Variants in ATP13A5 observed in about 807,000 individuals in gnomAD.
ATP13A5 encodes the protein ATPase 13A5.
In ATP13A5, 149 loss-of-function variants were observed where a neutral mutation model predicts 150.2. The observed-to-expected ratio is 0.99, with a 90% CI of 0.87 to 1.14. ATP13A5 has a LOEUF of 1.14. Ranked by LOEUF, ATP13A5 falls within the 50% of genes most tolerant of loss-of-function variation. ATP13A5 has a pLI of 0.00. For synonymous variants in ATP13A5, 497 were observed against 522.2 expected (o/e 0.95, Z 0.66); for missense variants, 1,383 against 1,449.3 (o/e 0.95, Z 0.74).
chr3:193,309,981 A>G (rs1215495307), intron 21 of ATP13A5, among the ~76,000 whole-genome samples: 2 of 152,208 alleles, frequency 1.3e-5, no homozygotes, highest in African/African-American at 4.8e-5. Flanking sequence ...AATTAAGCCC[A>G]GTACCCAGTA....
rs750230202 is a variant in ATP13A5, at chr3:193,378,745, A to G, written c.-20T>C. The G allele has an allele frequency of 1.4e-5, 22 of 1,609,000 alleles. No homozygotes were observed. The highest frequency in any genetic ancestry group is 2.2e-5 in the East Asian group (1 of 44,842). The stretch of plus-strand genomic sequence containing the variant: ...TTCCATCTGAACTCAACCGGCGAGG[A>G]TCTCTTCTGGCTAACTCCTTGGAGA... On this transcript the variant is annotated 5_prime_UTR_variant, in exon 1 of 30. Transcript: ENST00000342358.
intron 12 of ATP13A5, among the ~76,000 whole-genome samples, chr3:193,329,818 G>A (rs536324754): frequency 7.9e-5 from 12 of 152,256 alleles, no homozygotes; most frequent in African/African-American, 2.9e-4. Flanking sequence ...TCTGGGACAA[G>A]CAATGATCTC....
At chr3:193,365,805 G>C (rs933777587) in intron 1 of ATP13A5, among the ~76,000 whole-genome samples, 3 of 151,936 alleles carry the variant, frequency 2.0e-5, no homozygotes, top group African/African-American at 7.3e-5. Flanking sequence ...TACCCCTTCA[G>C]TTCTCTTCTA....
intron 1 of ATP13A5, 119 bp from the exon 2 acceptor site, chr3:193,364,399 T>C: frequency 3.2e-6 from 4 of 1,264,318 alleles, no homozygotes; most frequent in Non-Finnish European, 4.4e-6. Context: ...AATCTGGTTA[T>C]AGGTGGTTAA....
At chr3:193,327,465 A>T (rs1037179394) in intron 12 of ATP13A5, among the ~76,000 whole-genome samples, 3 of 152,060 alleles carry the variant, frequency 2.0e-5, no homozygotes, top group African/African-American at 7.2e-5. Context: ...GAGACTGTTC[A>T]GTTCACAGTT....
chr3:193,321,127 C>T (rs1465111013), intron 16 of ATP13A5, among the ~76,000 whole-genome samples: 7 of 152,156 alleles, frequency 4.6e-5, no homozygotes, highest in African/African-American at 1.7e-4. Flanking sequence ...GCTCCTGATG[C>T]AAGCTTCACA....
rs901323564 is a variant in ATP13A5, at chr3:193,282,278, TAAC to T, written c.3226+2633_3226+2635del. On this transcript the variant is annotated intron_variant, in intron 27 of 29. Coordinates refer to ENST00000342358, the MANE Select transcript of ATP13A5 (RefSeq NM_198505.4). The stretch of plus-strand genomic sequence containing the variant: ...TATAATTTTAAAAATTATTCATGTA[TAAC>T]AACATACATTTCCTGTGTATTAGTA... Among the ~76,000 whole-genome samples, 7 of 152,192 alleles carry T rather than the reference TAAC, an allele frequency of 4.6e-5. No individual in the cohort carries two copies. The South Asian group carries it at 1.0e-3, about 23-fold the overall frequency.
chr3:193,348,690 GTGTT>G (rs1004476113), intron 7 of ATP13A5, among the ~76,000 whole-genome samples: 4 of 152,176 alleles, frequency 2.6e-5, no homozygotes, highest in Admixed American at 6.6e-5. Flanking sequence ...TCCAAAGCCT[GTGTT>G]TGTTTACCTA....
chr3:193,289,562 A>C (rs1380920375), intron 26 of ATP13A5, among the ~76,000 whole-genome samples: 1 of 152,126 alleles, frequency 6.6e-6, no homozygotes, highest in African/African-American at 2.4e-5. Context: ...CATGTAGTGC[A>C]CAAAGCCTAT....
chr3:193,355,373 A>G (rs1335552100), intron 5 of ATP13A5, among the ~76,000 whole-genome samples: 1 of 152,198 alleles, frequency 6.6e-6, no homozygotes, highest in Non-Finnish European at 1.5e-5. Flanking sequence ...TCAAGCTCCG[A>G]TAAACCAAGA....
chr3:193,325,581 T>C (rs996963564), intron 13 of ATP13A5, among the ~76,000 whole-genome samples: 2 of 152,200 alleles, frequency 1.3e-5, no homozygotes, highest in African/African-American at 4.8e-5. Flanking sequence ...TGTAGAGCTG[T>C]CTGCAGAAAG....
At chr3:193,299,027 G>T in intron 25 of ATP13A5, 104 bp downstream of exon 25, 3 of 865,224 alleles carry the variant, frequency 3.5e-6, no homozygotes, top group Non-Finnish European at 5.4e-6. Flanking sequence ...ATGAGGTTTT[G>T]GAAATAAGGG....
chr3:193,361,642 A>T (rs1713009826), intron 5 of ATP13A5, among the ~76,000 whole-genome samples: 1 of 152,180 alleles, frequency 6.6e-6, no homozygotes, highest in African/African-American at 2.4e-5. Flanking sequence ...AGGGTTCATC[A>T]TTTCAAATAA....
chr3:193,328,614 G>C (rs979651348), intron 12 of ATP13A5, among the ~76,000 whole-genome samples: 1 of 152,070 alleles, frequency 6.6e-6, no homozygotes, highest in Non-Finnish European at 1.5e-5. Context: ...ACCATAAATA[G>C]AGAAAACTAA....
intron 15 of ATP13A5, 67 bp from the exon 16 acceptor site, chr3:193,321,904 A>T: frequency 6.4e-7 from 1 of 1,557,942 alleles, no homozygotes; most frequent in Non-Finnish European, 8.8e-7. Flanking sequence ...GCATACCAAC[A>T]AAAGGGCTTT....
At chr3:193,279,243 T>C in intron 28 of ATP13A5, 123 bp downstream of exon 28, 1 of 736,974 alleles carries the variant, frequency 1.4e-6, no homozygotes, top group South Asian at 1.9e-5. Flanking sequence ...TTCTAGTATA[T>C]AGAAATAGCC....
At chr3:193,344,142 G>A (rs958586266) in intron 8 of ATP13A5, 87 bp from the exon 9 acceptor site, 4 of 1,512,294 alleles carry the variant, frequency 2.6e-6, no homozygotes, top group Admixed American at 2.1e-5. Flanking sequence ...TTATCAACCT[G>A]TTGGCCAAGA....
intron 9 of ATP13A5, among the ~76,000 whole-genome samples, chr3:193,340,167 G>A (rs948884169): frequency 2.1e-4 from 32 of 152,184 alleles, no homozygotes; most frequent in Middle Eastern, 3.2e-3. Context: ...GTGCTGTCAC[G>A]TGGAGGTTCT....
chr3:193,330,562 G>T (rs1184525546), intron 12 of ATP13A5, among the ~76,000 whole-genome samples: 1 of 152,210 alleles, frequency 6.6e-6, no homozygotes. Context: ...GTCATGGGGG[G>T]GTGTCAGGAC....
Sources: allele counts gnomAD v4.1 joint callset (sites outside exome capture counted in the v4.1 genomes callset), GRCh38; gene constraint gnomAD v4.1.1; transcripts MANE v1.5; gene names NCBI Gene and HGNC (gene_info 2026-07-23, HGNC 2026-07-21).